The following SHISA6 variants were observed in gnomAD, a reference collection of about 807,000 sequenced individuals.
SHISA6 encodes the protein shisa family member 6.
Under a neutral mutation model 47.9 loss-of-function variants are expected in SHISA6, and 22 were observed. The observed-to-expected ratio is 0.46, with a 90% confidence interval of 0.33 to 0.66. The LOEUF is 0.66. Ranked by LOEUF, SHISA6 falls within the 30% of genes least tolerant of loss-of-function variation. The pLI is 0.02. For synonymous variants in SHISA6, 388 were observed against 337.8 expected (o/e 1.15, Z -1.63); for missense variants, 680 against 764.6 (o/e 0.89, Z 1.30).
In SHISA6 at chr17:11,421,930, G is replaced by A. The variant is rs1167827250; in HGVS notation, c.895+42421G>A. ...CACAGTTGGTTGCTCAGTTTCTCAG[G>A]ATGTTTTCAAAGAGGCTGTCTGAAA... On this transcript the variant is annotated intron_variant, in intron 3 of 5. Coordinates refer to ENST00000441885, the MANE Select transcript of SHISA6 (RefSeq NM_207386.4). 2.6e-5 allele frequency among the ~76,000 whole-genome samples: 4 copies of A among 152,156 alleles called. No homozygotes were observed. The East Asian group carries it at 7.7e-4, about 29-fold the overall frequency.
chr17:11,279,718 TG>T (rs560087233), intron 2 of SHISA6, among the ~76,000 whole-genome samples: 79 of 152,288 alleles, frequency 5.2e-4, no homozygotes, highest in African/African-American at 1.8e-3. Flanking sequence ...CCAACTCCCG[TG>T]GTTGGGTATT....
At chr17:11,292,352 G>T (rs1370113640) in intron 2 of SHISA6, among the ~76,000 whole-genome samples, 1 of 151,950 alleles carries the variant, frequency 6.6e-6, no homozygotes, top group Non-Finnish European at 1.5e-5. Context: ...TGTTCTCATT[G>T]TTCAAATTAT....
intron 3 of SHISA6, among the ~76,000 whole-genome samples, chr17:11,475,642 G>C (rs1916034099): frequency 6.6e-6 from 1 of 152,024 alleles, no homozygotes; most frequent in African/African-American, 2.4e-5. Context: ...CTTGGTCATG[G>C]TGTATAATCC....
chr17:11,274,950 C>T lies in SHISA6; in HGVS notation c.799+11424C>T, dbSNP rs979659101. ...GAGGGTACTCCTGGAGGATGGAAAA[C>T]GGGGGTCCACAAGAGCCTGGAAAAC... On this transcript the variant is annotated intron_variant, in intron 2 of 5. Coordinates refer to ENST00000441885, the MANE Select transcript of SHISA6 (RefSeq NM_207386.4). 4.6e-5 allele frequency among the ~76,000 whole-genome samples: 7 copies of T among 151,960 alleles called. 1 individual carries two copies. Among genetic ancestry groups the T allele is most frequent in the South Asian group, 2.1e-4 (1 of 4,804 alleles).
chr17:11,241,446 G>A lies in SHISA6; in HGVS notation c.24G>A (p.Leu8=). Residue 8 remains leucine (L), a synonymous_variant, in exon 1 of 6, where the codon CTG becomes CTA. Transcript: ENST00000441885. The surrounding 1 kb of genome is among the most constrained non-coding windows in gnomAD (Gnocchi z 5.5). ...CCATGGCGCTGCGGCGCCTCCTGCT[G>A]CTGCTGCTGCTCTCGCTGGAGTCCC... MALRRLL[L]LLLLSLESLD... 8.3e-7 allele frequency: 1 copy of A among 1,201,460 alleles called. No homozygotes were observed. 74.4% of individuals were successfully genotyped at this position (1,201,460 alleles called of 1,614,324 possible).
At chr17:11,408,970 G>A (rs879218036) in intron 3 of SHISA6, among the ~76,000 whole-genome samples, 2 of 152,138 alleles carry the variant, frequency 1.3e-5, no homozygotes, top group Admixed American at 6.5e-5. Context: ...GACTGGGAAC[G>A]TTGCAAGACA....
At chr17:11,317,270 A>G (rs1910554655) in intron 2 of SHISA6, among the ~76,000 whole-genome samples, 1 of 151,532 alleles carries the variant, frequency 6.6e-6, no homozygotes, top group African/African-American at 2.4e-5. Context: ...ATGTTTCTCT[A>G]TTGTATTTTA....
At chr17:11,305,598 C>T (rs757034673) in intron 2 of SHISA6, among the ~76,000 whole-genome samples, 36 of 152,198 alleles carry the variant, frequency 2.4e-4, no homozygotes, top group Non-Finnish European at 2.8e-4. Context: ...ATCAAGAAAT[C>T]GGAAGTTTCT....
At chr17:11,436,801 C>T (rs1429017540) in intron 3 of SHISA6, among the ~76,000 whole-genome samples, 1 of 152,156 alleles carries the variant, frequency 6.6e-6, no homozygotes, top group Non-Finnish European at 1.5e-5. Flanking sequence ...CTATTTTAGA[C>T]TTTTGAAGAG....
Position 11,551,957 on chromosome 17 carries a change from G to C in SHISA6, c.952+5G>C. ...TTACCCAGATCCCGCCACATGGTGA[G>C]AGATGATTGAGAGCACTCTGCATTT... is the stretch of plus-strand genomic sequence containing the variant. On this transcript the variant is annotated splice_donor_5th_base_variant and intron_variant, in intron 4 of 5. Transcript: ENST00000441885. The C allele has an allele frequency of 6.4e-7, 1 of 1,551,610 alleles. No homozygotes were observed. The highest frequency in any genetic ancestry group is 8.7e-7 in the Non-Finnish European group (1 of 1,146,934).
chr17:11,276,013 T>C (rs1449442434), intron 2 of SHISA6, among the ~76,000 whole-genome samples: 1 of 152,062 alleles, frequency 6.6e-6, no homozygotes, highest in Non-Finnish European at 1.5e-5. Context: ...TCTTGCTGTG[T>C]CACCCAAGTT....
At chr17:11,505,427 T>C (rs2071491183) in intron 3 of SHISA6, among the ~76,000 whole-genome samples, 1 of 152,254 alleles carries the variant, frequency 6.6e-6, no homozygotes, top group African/African-American at 2.4e-5. Flanking sequence ...TGCAGAATCA[T>C]GCTTTAGTGC....
intron 3 of SHISA6, among the ~76,000 whole-genome samples, chr17:11,452,836 C>T (rs1915439249): frequency 6.6e-6 from 1 of 151,224 alleles, no homozygotes; most frequent in African/African-American, 2.4e-5. Flanking sequence ...CTCTTACTCT[C>T]TTCCTCTACT....
intron 2 of SHISA6, among the ~76,000 whole-genome samples, chr17:11,339,028 CAG>C (rs1161942890): frequency 6.6e-6 from 1 of 151,006 alleles, no homozygotes; most frequent in Non-Finnish European, 1.5e-5. Context: ...TGCCCAGCAA[CAG>C]AGAGTTCATT....
chr17:11,251,922 G>A (rs542846953), intron 1 of SHISA6, among the ~76,000 whole-genome samples: 2 of 152,304 alleles, frequency 1.3e-5, no homozygotes, highest in South Asian at 2.1e-4. Context: ...GCGGTGAGCA[G>A]CAGCTGAACT....
intron 2 of SHISA6, among the ~76,000 whole-genome samples, chr17:11,306,822 G>A (rs1910125195): frequency 6.6e-6 from 1 of 152,098 alleles, no homozygotes; most frequent in African/African-American, 2.4e-5. Flanking sequence ...TCTTAAATCT[G>A]CTTTATCCTT....
chr17:11,373,852 T>C (rs1432233722), intron 2 of SHISA6, among the ~76,000 whole-genome samples: 1 of 152,198 alleles, frequency 6.6e-6, no homozygotes, highest in Non-Finnish European at 1.5e-5. Flanking sequence ...TTACAAACAA[T>C]ATTGCAGTGA....
At chr17:11,284,290 A>G (rs1332616978) in intron 2 of SHISA6, among the ~76,000 whole-genome samples, 2 of 152,218 alleles carry the variant, frequency 1.3e-5, no homozygotes, top group Non-Finnish European at 2.9e-5. Context: ...GAGTTGGTTT[A>G]GTTGCTCAGC....
At chr17:11,365,793 A>G (rs1479476073) in intron 2 of SHISA6, among the ~76,000 whole-genome samples, 2 of 152,206 alleles carry the variant, frequency 1.3e-5, no homozygotes, top group East Asian at 3.9e-4. Flanking sequence ...CAAGTAGGTG[A>G]ACAAGATAGT....
Sources: gnomAD v4.1 joint callset for allele counts (sites outside exome capture counted in the v4.1 genomes callset) on GRCh38, gnomAD v4.1.1 for gene constraint, Gnocchi (gnomAD v3.1) non-coding constraint, MANE v1.5 for transcripts, NCBI Gene and HGNC (gene_info 2026-07-23, HGNC 2026-07-21) for gene names.